The following PHACTR1 variants were observed in gnomAD, a reference collection of about 807,000 sequenced individuals.
PHACTR1 encodes phosphatase and actin regulator 1, also known as RPEL repeat containing 1.
In PHACTR1, 16 loss-of-function variants were observed where a neutral mutation model predicts 69.2. The observed-to-expected ratio is 0.23, with a 90% CI of 0.16 to 0.35. The LOEUF (loss-of-function observed/expected upper bound fraction) is 0.35, where lower values mean the gene tolerates loss of function less well. Ranked by LOEUF, PHACTR1 falls within the 10% of genes least tolerant of loss-of-function variation. The pLI, the probability that PHACTR1 is intolerant of heterozygous loss-of-function variation, is 1.00. For synonymous variants in PHACTR1, 312 were observed against 284.5 expected (o/e 1.10, Z -0.97); for missense variants, 510 against 734.7 (o/e 0.69, Z 3.54).
chr6:12,999,958 T>C (rs1213134031), intron 4 of PHACTR1, among the ~76,000 whole-genome samples: 1 of 152,260 alleles, frequency 6.6e-6, no homozygotes, highest in Admixed American at 6.5e-5. Context: ...TTTTTTGTCT[T>C]GTATTTGAAA....
intron 4 of PHACTR1, among the ~76,000 whole-genome samples, chr6:12,965,733 G>T (rs1055573521): frequency 6.6e-6 from 1 of 152,160 alleles, no homozygotes; most frequent in Non-Finnish European, 1.5e-5. Context: ...TGAAGAAAAC[G>T]TGCTCACGGA....
chr6:12,764,597 T>C (rs1035291591), intron 4 of PHACTR1, among the ~76,000 whole-genome samples: 2 of 152,178 alleles, frequency 1.3e-5, no homozygotes, highest in Non-Finnish European at 2.9e-5. Flanking sequence ...AGAACACGGT[T>C]TCAAGGCTTA....
intron 4 of PHACTR1, among the ~76,000 whole-genome samples, chr6:12,959,610 T>C (rs748899195): frequency 4.6e-5 from 7 of 151,976 alleles, no homozygotes; most frequent in Non-Finnish European, 1.0e-4. Flanking sequence ...GCAGAGTGAG[T>C]TCCTTTTATC....
intron 4 of PHACTR1, among the ~76,000 whole-genome samples, chr6:12,871,610 G>T (rs1782034625): frequency 6.6e-6 from 1 of 151,992 alleles, no homozygotes; most frequent in Admixed American, 6.6e-5. Context: ...TAAGATTCAG[G>T]TTCAGTTCTT....
chr6:13,110,975 A>G (rs755075265), intron 5 of PHACTR1, among the ~76,000 whole-genome samples: 113 of 151,654 alleles, frequency 7.5e-4, no homozygotes, highest in Non-Finnish European at 1.1e-3. Context: ...AGTCTTTTCT[A>G]TAATATTCAG....
intron 4 of PHACTR1, among the ~76,000 whole-genome samples, chr6:12,828,108 A>G (rs1777005260): frequency 6.6e-6 from 1 of 152,224 alleles, no homozygotes; most frequent in African/African-American, 2.4e-5. Context: ...AACCAATCCC[A>G]GTTGGCTGAG....
intron 3 of PHACTR1, among the ~76,000 whole-genome samples, chr6:12,724,452 T>C (rs945145822): frequency 2.0e-5 from 3 of 152,248 alleles, no homozygotes; most frequent in Non-Finnish European, 2.9e-5. Context: ...TATGCTCATG[T>C]TGCAGACTAG....
At position 13,149,672 on chromosome 6, in the gene PHACTR1, G is replaced by C. The variant is rs116204279; in HGVS notation, c.416-10532G>C. 1.9e-3 allele frequency among the ~76,000 whole-genome samples: 286 copies of C among 152,216 alleles called. 2 individuals carry two copies. Among genetic ancestry groups the C allele is most frequent in the African/African-American group, 6.5e-3 (269 of 41,530 alleles). On this transcript the variant is annotated intron_variant, in intron 5 of 14. Transcript: ENST00000332995. Reference sequence around the variant, plus strand: ...GGGGCTAACAGAGAGCAGAGATCAGGATCTATGCTTATTGTCTTGCAACAA... The same window carrying C: ...GGGGCTAACAGAGAGCAGAGATCAGCATCTATGCTTATTGTCTTGCAACAA...
Position 12,933,705 on chromosome 6 carries a change from G to A in PHACTR1, c.251-119660G>A. The A allele has an allele frequency of 2.5e-6, 4 of 1,612,792 alleles. No homozygotes were observed. In the South Asian group the frequency reaches 4.4e-5, roughly 18 times the overall value. On this transcript the variant is annotated intron_variant, in intron 4 of 14. Coordinates refer to ENST00000332995, the MANE Select transcript of PHACTR1 (RefSeq NM_030948.6). ...GTGCCAACTCTTGGGCGTCCTCTTG[G>A]GCTCGAACTGTGTTCCCTGGAAAAC...
intron 4 of PHACTR1, among the ~76,000 whole-genome samples, chr6:12,823,403 C>T (rs1776428578): frequency 6.6e-6 from 1 of 152,038 alleles, no homozygotes; most frequent in Admixed American, 6.5e-5. Context: ...AGTTTTAAAA[C>T]AATAAAATAT....
rs1370179062 is a variant in PHACTR1, at chr6:13,179,536, C to A, written c.497-2983C>A. Among the ~76,000 whole-genome samples, 2 of 151,176 alleles carry A rather than the reference C, an allele frequency of 1.3e-5. No individual in the cohort carries two copies. The highest frequency in any genetic ancestry group is 2.9e-5 in the Non-Finnish European group (2 of 67,898). ...ATGAATCCAAGTAAAATAGTTTTTA[C>A]TTTTATTGCTACCCATCTTGGTCAT... On this transcript the variant is annotated intron_variant, in intron 6 of 14. Coordinates refer to ENST00000332995, the MANE Select transcript of PHACTR1 (RefSeq NM_030948.6). The surrounding 1 kb of genome is among the most constrained non-coding windows in gnomAD (Gnocchi z 4.2).
chr6:13,018,270 C>T (rs181578097), intron 4 of PHACTR1, among the ~76,000 whole-genome samples: 1 of 152,208 alleles, frequency 6.6e-6, no homozygotes, highest in East Asian at 1.9e-4. Context: ...GGTCGAACCA[C>T]CATTTGGTGT....
At chr6:12,807,464 A>T (rs1774474652) in intron 4 of PHACTR1, among the ~76,000 whole-genome samples, 1 of 152,104 alleles carries the variant, frequency 6.6e-6, no homozygotes, top group South Asian at 2.1e-4. Context: ...TTGATTCTCC[A>T]TGTTAATTAT....
intron 4 of PHACTR1, among the ~76,000 whole-genome samples, chr6:12,904,503 C>T (rs1366900452): frequency 6.7e-6 from 1 of 148,490 alleles, no homozygotes; most frequent in African/African-American, 2.5e-5. Context: ...CACTGCACTC[C>T]AGCCTGGGCA....
intron 4 of PHACTR1, among the ~76,000 whole-genome samples, chr6:12,934,328 T>A (rs904556174): frequency 5.3e-5 from 8 of 152,210 alleles, no homozygotes; most frequent in Non-Finnish European, 1.0e-4. Context: ...CTTGACTATA[T>A]CTATAAAGAC....
At chr6:13,009,002 T>C (rs992026316) in intron 4 of PHACTR1, among the ~76,000 whole-genome samples, 1 of 151,706 alleles carries the variant, frequency 6.6e-6, no homozygotes, top group African/African-American at 2.4e-5. Flanking sequence ...TTGGGGAGAG[T>C]CTGTTCCTCC....
intron 3 of PHACTR1, among the ~76,000 whole-genome samples, chr6:12,745,036 G>A (rs978174853): frequency 6.6e-6 from 1 of 152,144 alleles, no homozygotes; most frequent in African/African-American, 2.4e-5. Context: ...CAGATTGGGG[G>A]CCTGAAAAAT....
intron 4 of PHACTR1, among the ~76,000 whole-genome samples, chr6:12,760,242 G>A (rs916875663): frequency 6.6e-6 from 1 of 152,022 alleles, no homozygotes; most frequent in East Asian, 1.9e-4. Context: ...ACACTCACAG[G>A]AGAAAATTTT....
intron 4 of PHACTR1, among the ~76,000 whole-genome samples, chr6:12,944,790 T>TA (rs760655740): frequency 0.22 from 31,528 of 143,204 alleles, 3,601 homozygotes; most frequent in Middle Eastern, 0.29. Context: ...TTTATTTATT[T>TA]TTTTTTTTTT....
Sources: allele counts gnomAD v4.1 joint callset (sites outside exome capture counted in the v4.1 genomes callset), GRCh38; gene constraint gnomAD v4.1.1; non-coding constraint Gnocchi (gnomAD v3.1); transcripts MANE v1.5; gene names NCBI Gene and HGNC (gene_info 2026-07-23, HGNC 2026-07-21).